The following NRG4 variants were observed in gnomAD, a reference collection of about 807,000 sequenced individuals.
NRG4 encodes pro-neuregulin-4, membrane-bound isoform.
A neutral mutation model predicts 15.0 loss-of-function variants in NRG4; 10 were observed. The observed-to-expected ratio is 0.67, with a 90% CI of 0.41 to 1.13. The LOEUF (loss-of-function observed/expected upper bound fraction) is 1.13. Among genes scored for constraint, NRG4 ranks in the 50% most tolerant of loss-of-function variants. NRG4 has a pLI of 0.00. For synonymous variants in NRG4, 41 were observed against 50.1 expected, an observed-to-expected ratio of 0.82 and a Z score of 0.77; for missense variants, 139 against 140.2, an observed-to-expected ratio of 0.99 and a Z score of 0.04.
At chr15:76,050,490 G>T (rs2035973687) in intron 4 of NRG4, among the ~76,000 whole-genome samples, 1 of 126,712 alleles carries the variant, frequency 7.9e-6, no homozygotes. Flanking sequence ...TGCCCTGGCT[G>T]GAGTGCAATG....
chr15:75,962,029 T>C, intron 3 of NRG4, 55 bp from the exon 4 acceptor site: 1 of 1,368,640 alleles, frequency 7.3e-7, no homozygotes. Flanking sequence ...TTAGCTAGTT[T>C]GGAAGAAAAA....
In NRG4 at chr15:75,943,382, G is replaced by C; in HGVS notation, c.*256C>G. ...GGTTGCTTCAGCACATCAGCTTTCTGGGGAGAGTCATGTTGAACCAATGTG... is the reference window on the plus strand; with the variant it reads ...GGTTGCTTCAGCACATCAGCTTTCTCGGGAGAGTCATGTTGAACCAATGTG... On this transcript the variant is annotated 3_prime_UTR_variant, in exon 6 of 6. Transcript: ENST00000394907. 2.2e-6 allele frequency: 1 copy of C among 448,610 alleles called. No homozygotes were observed. Among genetic ancestry groups the C allele is most frequent in the South Asian group, 4.1e-5 (1 of 24,174 alleles). The allele number at this position is 448,610 out of a possible 1,614,324, so 27.8% of individuals were successfully genotyped here. A position where few individuals can be genotyped will look rare whatever the true frequency, so the allele number is the denominator to read the frequency against.
rs2035881479 is a variant in NRG4 at position 76,046,904 on chromosome 15, AT to A, written c.-105+5162del. Among the ~76,000 whole-genome samples, 2 of 151,014 alleles carry A rather than the reference AT, an allele frequency of 1.3e-5. 1 individual carries two copies. Among genetic ancestry groups the A allele is most frequent in the African/African-American group, 4.9e-5 (2 of 40,500 alleles). ...GGAAGACTATGTTTGCAAACTATCC[AT>A]TTGACAAAGAATCAATAACCAGAAT... On this transcript the variant is annotated intron_variant, in intron 4 of 8. Transcript: ENST00000563910.
chr15:76,032,805 G>T (rs1437504257), intron 5 of NRG4, among the ~76,000 whole-genome samples: 1 of 152,098 alleles, frequency 6.6e-6, no homozygotes, highest in Admixed American at 6.6e-5. Flanking sequence ...CTGAAATGAT[G>T]AACAAAAACA....
intron 5 of NRG4, among the ~76,000 whole-genome samples, chr15:75,953,583 T>C (rs1180684026): frequency 1.3e-5 from 2 of 152,230 alleles, no homozygotes; most frequent in Non-Finnish European, 2.9e-5. Flanking sequence ...CTCCATTCTT[T>C]TAAGGTGTGT....
At chr15:76,003,165 C>A (rs1463434760) in intron 3 of NRG4, among the ~76,000 whole-genome samples, 1 of 151,978 alleles carries the variant, frequency 6.6e-6, no homozygotes, top group Non-Finnish European at 1.5e-5. Flanking sequence ...TAAAATATAA[C>A]CAGAAAATCC....
At chr15:76,029,625 T>A (rs904455238) in intron 5 of NRG4, among the ~76,000 whole-genome samples, 2 of 152,166 alleles carry the variant, frequency 1.3e-5, no homozygotes, top group African/African-American at 4.8e-5. Flanking sequence ...AGTATTTCTG[T>A]ACATGGATGA....
intron 3 of NRG4, among the ~76,000 whole-genome samples, chr15:76,001,032 G>C (rs2034394236): frequency 6.6e-6 from 1 of 151,980 alleles, no homozygotes; most frequent in Admixed American, 6.6e-5. Flanking sequence ...TGTTGCCCAG[G>C]CTGGAGTACA....
chr15:76,007,622 G>C (rs2034655102), intron 3 of NRG4, among the ~76,000 whole-genome samples: 3 of 151,834 alleles, frequency 2.0e-5, no homozygotes, highest in African/African-American at 7.3e-5. Flanking sequence ...ATAGAGATGG[G>C]GTTTCACCGT....
chr15:75,941,981 T>TC lies in NRG4; in HGVS notation c.*1656_*1657insG, dbSNP rs1237896645. On this transcript the variant is annotated 3_prime_UTR_variant, in exon 6 of 6. Transcript: ENST00000394907. Reference sequence around the variant, plus strand: ...AAAAAATATGGCCTAGCTTTTTTTTTTTTTTTTAAAAAGGGCAGGGGGTGG... The same window carrying TC: ...AAAAAATATGGCCTAGCTTTTTTTTTCTTTTTTTAAAAAGGGCAGGGGGTGG... The TC allele has an allele frequency of 6.7e-6, 1 of 150,268 alleles. No homozygotes were observed. The highest frequency in any genetic ancestry group is 1.5e-5 in the Non-Finnish European group (1 of 67,590). The allele number at this position is 150,268 out of a possible 1,614,324, so 9.3% of individuals were successfully genotyped here.
chr15:76,051,131 A>G lies in NRG4; in HGVS notation c.-105+936T>C, dbSNP rs979653409. Among the ~76,000 whole-genome samples the G allele has an allele frequency of 6.8e-5, 10 of 146,818 alleles. 1 individual carries two copies. The highest frequency in any genetic ancestry group is 4.3e-4 in the South Asian group (2 of 4,704). Reference sequence around the variant, plus strand: ...CGCCATTCTCCTGCCTCAGCCTCCCAAGTAGCTGGGACTACAGGCGCCCGC... The same window carrying G: ...CGCCATTCTCCTGCCTCAGCCTCCCGAGTAGCTGGGACTACAGGCGCCCGC... On this transcript the variant is annotated intron_variant, in intron 4 of 8. Transcript: ENST00000563910.
chr15:76,019,054 A>C (rs1777297492), intron 5 of NRG4, among the ~76,000 whole-genome samples: 1 of 151,998 alleles, frequency 6.6e-6, no homozygotes, highest in South Asian at 2.1e-4. Flanking sequence ...CTAGAGAGGC[A>C]GTCTGTCTAC....
chr15:76,048,486 A>T lies in NRG4; in HGVS notation c.-105+3581T>A, dbSNP rs999740282. 2.7e-4 allele frequency among the ~76,000 whole-genome samples: 40 copies of T among 150,366 alleles called. 1 individual carries two copies. Among genetic ancestry groups the T allele is most frequent in the Non-Finnish European group, 3.5e-4 (24 of 67,720 alleles). On this transcript the variant is annotated intron_variant, in intron 4 of 8. Coordinates refer to the NRG4 transcript ENST00000563910. ...GACTCTGACTCAAAAAAAAAAAAAA[A>T]AAAAAGCTGGCTGGTGAATGTGATT...
At chr15:76,049,188 A>C (rs2141962667) in intron 4 of NRG4, among the ~76,000 whole-genome samples, 1 of 150,678 alleles carries the variant, frequency 6.6e-6, no homozygotes, top group African/African-American at 2.5e-5. Flanking sequence ...ATCCCCTTCC[A>C]CCTGCAACAC....
chr15:76,024,122 C>T (rs1187912090), intron 5 of NRG4, among the ~76,000 whole-genome samples: 1 of 152,250 alleles, frequency 6.6e-6, no homozygotes, highest in East Asian at 1.9e-4. Context: ...AGCTCACCTG[C>T]CCCTAGGCCT....
chr15:75,944,321 C>CAT (rs67144566), intron 5 of NRG4, among the ~76,000 whole-genome samples: 149,512 of 152,290 alleles, frequency 0.98, 73,445 homozygotes, highest in East Asian at 1. Flanking sequence ...ACCTGGCACA[C>CAT]AGGCATGTGG....
At chr15:76,032,070 T>G (rs1213634449) in intron 5 of NRG4, among the ~76,000 whole-genome samples, 1 of 152,178 alleles carries the variant, frequency 6.6e-6, no homozygotes, top group Non-Finnish European at 1.5e-5. Flanking sequence ...ATGCTAATAA[T>G]ACATTCTTAA....
upstream of NRG4, among the ~76,000 whole-genome samples, chr15:76,012,848 G>A (rs905950208): frequency 6.6e-6 from 1 of 152,206 alleles, no homozygotes; most frequent in African/African-American, 2.4e-5. Context: ...CTAAAAGAAG[G>A]TAATAGCTAT....
intron 4 of NRG4, among the ~76,000 whole-genome samples, chr15:75,959,889 A>C (rs2032433185): frequency 1.3e-5 from 2 of 152,116 alleles, no homozygotes; most frequent in South Asian, 4.1e-4. Flanking sequence ...TAAGTGTGAG[A>C]CCTTCCAGAG....
Sources: allele counts gnomAD v4.1 joint callset (sites outside exome capture counted in the v4.1 genomes callset), GRCh38; gene constraint gnomAD v4.1.1; transcripts MANE v1.5; gene names NCBI Gene and HGNC (gene_info 2026-07-23, HGNC 2026-07-21).